Variants in COL24A1 observed in about 807,000 individuals in gnomAD.
COL24A1 encodes collagen type XXIV alpha 1 chain.
In COL24A1, 224 loss-of-function variants were observed where a neutral mutation model predicts 253.9. The ratio of observed to expected loss-of-function variants is 0.88; its 90% confidence interval spans 0.79 to 0.99. COL24A1 has a LOEUF of 0.99. COL24A1 is among the 50% of genes least tolerant of loss of function. COL24A1 has a pLI of 0.00. For missense variants in COL24A1, 2,131 were observed against 2,068.5 expected (o/e 1.03, Z -0.59); for synonymous variants, 685 against 673.7 (o/e 1.02, Z -0.26).
intron 5 of COL24A1, among the ~76,000 whole-genome samples, chr1:86,109,858 C>T (rs1705364367): frequency 6.6e-6 from 1 of 152,136 alleles, no homozygotes; most frequent in African/African-American, 2.4e-5. Context: ...ATAAGTGGGG[C>T]TCGTATAAAT....
intron 28 of COL24A1, among the ~76,000 whole-genome samples, chr1:85,903,021 C>T (rs1684474144): frequency 1.3e-5 from 2 of 151,992 alleles, no homozygotes; most frequent in Non-Finnish European, 1.5e-5. Flanking sequence ...ATCACACCCA[C>T]CCCATAAATA....
intron 19 of COL24A1, among the ~76,000 whole-genome samples, chr1:85,997,513 A>G (rs12031047): frequency 0.39 from 59,066 of 151,908 alleles, 11,984 homozygotes; most frequent in East Asian, 0.58. Flanking sequence ...GGCCGGGCGC[A>G]GTGACTCACA....
chr1:85,929,792 C>G (rs942698439), intron 24 of COL24A1, among the ~76,000 whole-genome samples: 1 of 151,084 alleles, frequency 6.6e-6, no homozygotes, highest in Non-Finnish European at 1.5e-5. Flanking sequence ...GTCAAAGCCG[C>G]TCAACTACAT....
intron 47 of COL24A1, among the ~76,000 whole-genome samples, chr1:85,789,693 T>C (rs1670061433): frequency 6.6e-6 from 1 of 152,178 alleles, no homozygotes; most frequent in South Asian, 2.1e-4. Context: ...GGGTCTGTCA[T>C]AAAAGGCTCT....
In COL24A1 at chr1:85,855,076, G is replaced by T. The variant is rs143147274; in HGVS notation, c.3301-5670C>A. Among the ~76,000 whole-genome samples, 78 of 152,046 alleles carry T rather than the reference G, an allele frequency of 5.1e-4. 1 individual carries two copies. The highest frequency in any genetic ancestry group is 2.8e-4 in the Non-Finnish European group (19 of 68,000). On this transcript the variant is annotated intron_variant, in intron 37 of 59. Coordinates refer to ENST00000370571, the MANE Select transcript of COL24A1 (RefSeq NM_152890.7). ...ATAGAAATGCTATTAATTTTTGTAC[G>T]TTGATTTTGTATTCTGAAACTTTGC...
intron 24 of COL24A1, among the ~76,000 whole-genome samples, chr1:85,956,955 T>TA: frequency 6.6e-6 from 1 of 152,124 alleles, no homozygotes; most frequent in Non-Finnish European, 1.5e-5. Context: ...CAGAGAAACT[T>TA]AGAACCAACC....
intron 2 of COL24A1, among the ~76,000 whole-genome samples, chr1:86,141,739 C>G (rs2102390225): frequency 6.7e-6 from 1 of 149,874 alleles, no homozygotes; most frequent in East Asian, 2.0e-4. Context: ...CTCACTCTGT[C>G]AGCCAGGCTG....
intron 1 of COL24A1, among the ~76,000 whole-genome samples, chr1:86,150,037 C>T (rs1033752311): frequency 6.6e-6 from 1 of 152,176 alleles, no homozygotes; most frequent in Non-Finnish European, 1.5e-5. Flanking sequence ...CAGTATGGAT[C>T]CCACTACCCC....
intron 24 of COL24A1, among the ~76,000 whole-genome samples, chr1:85,941,675 TC>T (rs1688770972): frequency 6.6e-6 from 1 of 152,166 alleles, no homozygotes; most frequent in Non-Finnish European, 1.5e-5. Flanking sequence ...AGAAGGTGTT[TC>T]CAGCATTCTG....
intron 20 of COL24A1, among the ~76,000 whole-genome samples, chr1:85,986,907 A>G (rs555336476): frequency 3.9e-5 from 6 of 152,000 alleles, no homozygotes; most frequent in South Asian, 4.1e-4. Context: ...TTATTTGCTT[A>G]CAGTGCCCAT....
At chr1:85,860,031 CTTACTAA>C (rs200650423) in intron 37 of COL24A1, among the ~76,000 whole-genome samples, 2,914 of 152,112 alleles carry the variant, frequency 0.019, 87 homozygotes, top group African/African-American at 0.068. Flanking sequence ...CTTGGTGTTG[CTTACTAA>C]TAAAATAGAG....
intron 3 of COL24A1, among the ~76,000 whole-genome samples, chr1:86,119,826 T>C (rs1706547807): frequency 6.6e-6 from 1 of 151,942 alleles, no homozygotes; most frequent in South Asian, 2.1e-4. Context: ...AGGGGAAAAG[T>C]GAGAGGACAG....
At chr1:86,030,346 G>A (rs1204536668) in intron 14 of COL24A1, 1 of 152,330 alleles carries the variant, frequency 6.6e-6, no homozygotes, top group African/African-American at 2.4e-5. Flanking sequence ...GAGAATCAGT[G>A]AACAGCACGT....
chr1:85,940,784 G>A (rs996822951), intron 24 of COL24A1, among the ~76,000 whole-genome samples: 1 of 152,272 alleles, frequency 6.6e-6, no homozygotes. Context: ...AGTTTTGCCC[G>A]AGGAAGGTCT....
At chr1:85,838,534 C>T (rs1417622874) in intron 43 of COL24A1, 51 bp downstream of exon 43, 1 of 1,506,422 alleles carries the variant, frequency 6.6e-7, no homozygotes, top group Non-Finnish European at 9.2e-7. Context: ...GGAATAGAAA[C>T]ACAGAGAACC....
At chr1:85,789,809 CAT>C (rs1670076999) in intron 47 of COL24A1, among the ~76,000 whole-genome samples, 1 of 152,114 alleles carries the variant, frequency 6.6e-6, no homozygotes, top group African/African-American at 2.4e-5. Flanking sequence ...CTGAGATAAT[CAT>C]GTGGTTTTTG....
chr1:86,027,440 C>T (rs1257568371), intron 14 of COL24A1, among the ~76,000 whole-genome samples: 1 of 152,150 alleles, frequency 6.6e-6, no homozygotes, highest in Non-Finnish European at 1.5e-5. Context: ...GACTTGGTGC[C>T]CTGAATCCCA....
chr1:85,961,566 C>T (rs2100679722), intron 23 of COL24A1, among the ~76,000 whole-genome samples: 1 of 152,200 alleles, frequency 6.6e-6, no homozygotes, highest in African/African-American at 2.4e-5. Context: ...TGAAATGTGG[C>T]CTACCCTCTA....
chr1:86,054,880 T>A (rs1700558616), intron 10 of COL24A1, among the ~76,000 whole-genome samples: 1 of 152,074 alleles, frequency 6.6e-6, no homozygotes, highest in Non-Finnish European at 1.5e-5. Flanking sequence ...AGAAAAGACA[T>A]GGAATCAACC....
Sources: allele counts gnomAD v4.1 joint callset (sites outside exome capture counted in the v4.1 genomes callset), GRCh38; gene constraint gnomAD v4.1.1; transcripts MANE v1.5; gene names NCBI Gene and HGNC (gene_info 2026-07-23, HGNC 2026-07-21).